CDC14B: variants seen among roughly 807,000 people sequenced by gnomAD.
CDC14B encodes the protein dual specificity protein phosphatase CDC14B.
In CDC14B, 22 loss-of-function variants were observed where a neutral mutation model predicts 64.2. The ratio of observed to expected loss-of-function variants is 0.34; its 90% CI spans 0.24 to 0.49. CDC14B has a LOEUF of 0.49. Among genes scored for constraint, CDC14B ranks in the 20% least tolerant of loss-of-function variants. The pLI, the probability that CDC14B is intolerant of heterozygous loss-of-function variation, is 0.99. For missense variants in CDC14B, 498 were observed against 629.9 expected (o/e 0.79, Z 2.24); for synonymous variants, 191 against 215.8 (o/e 0.89, Z 1.01).
At chr9:96,607,773 A>G (rs1276146463) in intron 1 of CDC14B, among the ~76,000 whole-genome samples, 1 of 152,092 alleles carries the variant, frequency 6.6e-6, no homozygotes, top group East Asian at 1.9e-4. Flanking sequence ...GCAATGTGGG[A>G]CGGGTCTGGG....
At chr9:96,523,849 GCTGGTTACACT>G in intron 9 of CDC14B, 124 bp from the exon 10 acceptor site, 1 of 946,538 alleles carries the variant, frequency 1.1e-6, no homozygotes, top group Non-Finnish European at 1.6e-6. Context: ...GGTTCTCAAG[GCTGGTTACACT>G]CTGGAATCAC....
intron 4 of CDC14B, among the ~76,000 whole-genome samples, chr9:96,562,105 A>G (rs563800359): frequency 6.6e-5 from 10 of 152,332 alleles, no homozygotes; most frequent in African/African-American, 2.2e-4. Context: ...TACATTTCCA[A>G]TGATCCAAAT....
intron 1 of CDC14B, among the ~76,000 whole-genome samples, chr9:96,569,397 C>G (rs1844343171): frequency 6.6e-6 from 1 of 152,104 alleles, no homozygotes; most frequent in Non-Finnish European, 1.5e-5. Flanking sequence ...AGAAAAGTAG[C>G]TAGATGGAAA....
intron 7 of CDC14B, among the ~76,000 whole-genome samples, chr9:96,536,376 T>G (rs760975420): frequency 3.3e-5 from 5 of 152,228 alleles, no homozygotes; most frequent in Non-Finnish European, 7.3e-5. Flanking sequence ...CAACTAGTGT[T>G]TTTAGCAGTT....
Position 96,523,388 on chromosome 9 carries a change from T to C in CDC14B, c.1118A>G (p.Tyr373Cys), listed in dbSNP as rs1837051523. 1.9e-6 allele frequency: 3 copies of C among 1,614,024 alleles called. No individual in the cohort carries two copies. Among genetic ancestry groups the C allele is most frequent in the Admixed American group, 1.7e-5 (1 of 59,994 alleles). ...KQTNLWLEGD[Y>C]FRQKLKGQEN... ...CTGCCCCTTTAACTTCTGACGAAAA[T>C]AGTCCCCTTCCAGCCAGAGGTTGGT... The change falls in exon 11 of 14, where the codon TAT becomes TGT. Residue 373 changes from tyrosine to cysteine, a missense_variant. Physicochemically the swap from Tyr to Cys is radical, Grantham distance 194 (BLOSUM62 -2). Transcript: ENST00000375241.
At chr9:96,577,006 A>C (rs1844853982) in intron 1 of CDC14B, among the ~76,000 whole-genome samples, 1 of 152,130 alleles carries the variant, frequency 6.6e-6, no homozygotes, top group Non-Finnish European at 1.5e-5. Flanking sequence ...TAATCCCAAC[A>C]CTTTGGGAGG....
intron 1 of CDC14B, among the ~76,000 whole-genome samples, chr9:96,592,181 G>A (rs1406091507): frequency 6.6e-6 from 1 of 152,092 alleles, no homozygotes; most frequent in Non-Finnish European, 1.5e-5. Flanking sequence ...AGGCTCAAGC[G>A]ATCCCACCTC....
chr9:96,578,972 C>T (rs981265265), intron 1 of CDC14B, among the ~76,000 whole-genome samples: 1 of 151,654 alleles, frequency 6.6e-6, no homozygotes, highest in Non-Finnish European at 1.5e-5. Flanking sequence ...CATGTGCCAC[C>T]AAGCCCGGCT....
At chr9:96,493,245 G>A (rs762661563) in exon 14 of CDC14B, 1 of 152,342 alleles carries the variant, frequency 6.6e-6, no homozygotes, top group Non-Finnish European at 1.5e-5. Context: ...TCCACATGGC[G>A]GCCTCCGCTG....
At chr9:96,608,922 C>G (rs2118984866) in intron 1 of CDC14B, among the ~76,000 whole-genome samples, 1 of 138,354 alleles carries the variant, frequency 7.2e-6, no homozygotes, top group Middle Eastern at 3.5e-3. Flanking sequence ...CACACACACA[C>G]ACACGAAAAG....
At chr9:96,494,964 A>G (rs951703062) in intron 13 of CDC14B, among the ~76,000 whole-genome samples, 5 of 151,070 alleles carry the variant, frequency 3.3e-5, no homozygotes, top group African/African-American at 1.2e-4. Flanking sequence ...CCTCCCAAGT[A>G]GCTGGGACTA....
At chr9:96,613,031 T>C (rs1021025485) in intron 1 of CDC14B, among the ~76,000 whole-genome samples, 1 of 152,206 alleles carries the variant, frequency 6.6e-6, no homozygotes. Context: ...AGATATCCAA[T>C]AAATCATTTA....
downstream of CDC14B, among the ~76,000 whole-genome samples, chr9:96,495,596 T>C (rs1833209223): frequency 6.6e-6 from 1 of 152,268 alleles, no homozygotes; most frequent in East Asian, 1.9e-4. Context: ...TGACCACAAC[T>C]TGCATGTTTT....
chr9:96,497,554 C>T (rs1295002741), downstream of CDC14B, among the ~76,000 whole-genome samples: 1 of 152,236 alleles, frequency 6.6e-6, no homozygotes, highest in South Asian at 2.1e-4. Context: ...CCCCTACCCA[C>T]GGCGCTGAGG....
chr9:96,557,800 A>G (rs1842678335), intron 4 of CDC14B, among the ~76,000 whole-genome samples: 1 of 152,240 alleles, frequency 6.6e-6, no homozygotes, highest in Non-Finnish European at 1.5e-5. Context: ...ACATGTTACA[A>G]TTAGCTCTAC....
Position 96,503,123 on chromosome 9 carries a change from C to T in CDC14B, c.*630G>A. On this transcript the variant is annotated 3_prime_UTR_variant, in exon 14 of 14. Transcript: ENST00000375241. ...TTGCAAGTTTTAGGTTACTAAGGTA[C>T]CACCTGGTCTTACAACATGCAACAG... The T allele has an allele frequency of 2.7e-6, 1 of 371,932 alleles. No individual in the cohort carries two copies. The allele number at this position is 371,932 out of a possible 1,614,324, so 23.0% of individuals were successfully genotyped here.
chr9:96,581,742 C>A (rs950320671), intron 1 of CDC14B, among the ~76,000 whole-genome samples: 2 of 152,016 alleles, frequency 1.3e-5, no homozygotes, highest in African/African-American at 4.8e-5. Context: ...GAGGAGGAAG[C>A]CTTTCATCTT....
chr9:96,515,717 G>T lies in CDC14B; in HGVS notation c.1344-5928C>A. The T allele has an allele frequency of 6.2e-7, 1 of 1,605,900 alleles. No individual in the cohort carries two copies. Among genetic ancestry groups the T allele is most frequent in the East Asian group, 2.2e-5 (1 of 44,760 alleles). ...AACCATCGAGACAGAATAGCAGGAT[G>T]GGAAGAATGTAGTCACAAACAATCC... On this transcript the variant is annotated intron_variant, in intron 12 of 13. Coordinates refer to ENST00000375241, the MANE Select transcript of CDC14B (RefSeq NM_033331.4). The surrounding 1 kb of genome is among the most constrained non-coding windows in gnomAD (Gnocchi z 4.3).
rs1317182240 is a variant in CDC14B, at chr9:96,619,729, C to CG, written c.-352dup. On this transcript the variant is annotated 5_prime_UTR_variant, in exon 1 of 14. It introduces an in-frame stop codon into an upstream open reading frame of the 5' UTR. Coordinates refer to ENST00000375241, the MANE Select transcript of CDC14B (RefSeq NM_033331.4). Reference sequence around the variant, plus strand: ...GCTGCAGCTGGCGGCCGGAGCTGCCCGGGGTAACCGTGCGTGCCCACCGCG... The same window carrying CG: ...GCTGCAGCTGGCGGCCGGAGCTGCCCGGGGGTAACCGTGCGTGCCCACCGCG... 6.6e-6 allele frequency: 1 copy of CG among 150,696 alleles called. No homozygotes were observed. The highest frequency in any genetic ancestry group is 2.1e-4 in the South Asian group (1 of 4,822). 9.3% of individuals were successfully genotyped at this position (150,696 alleles called of 1,614,324 possible).
Sources: allele counts gnomAD v4.1 joint callset (sites outside exome capture counted in the v4.1 genomes callset), GRCh38; gene constraint gnomAD v4.1.1; non-coding constraint Gnocchi (gnomAD v3.1); transcripts MANE v1.5; gene names NCBI Gene and HGNC (gene_info 2026-07-23, HGNC 2026-07-21).